LTBP3: variants seen among roughly 807,000 people sequenced by gnomAD.
LTBP3 encodes latent transforming growth factor beta binding protein 3.
Under a neutral mutation model 159.7 loss-of-function variants are expected in LTBP3, and 97 were observed. The ratio of observed to expected loss-of-function variants is 0.61; its 90% CI spans 0.52 to 0.72. The LOEUF is 0.72. LTBP3 is among the 30% of genes least tolerant of loss of function. LTBP3 has a pLI of 0.00. For synonymous variants in LTBP3, 824 were observed against 777.1 expected, an observed-to-expected ratio of 1.06 and a Z score of -1.00; for missense variants, 1,584 against 1,864.3, an observed-to-expected ratio of 0.85 and a Z score of 2.77.
At position 65,541,732 on chromosome 11, in the gene LTBP3, C is replaced by A. The variant is rs775770072; in HGVS notation, c.2597-4G>T. 1 of 1,613,882 alleles carries A rather than the reference C, an allele frequency of 6.2e-7. No individual in the cohort carries two copies. The highest frequency in any genetic ancestry group is 8.5e-7 in the Non-Finnish European group (1 of 1,179,900). On this transcript the variant is annotated splice_region_variant and splice_polypyrimidine_tract_variant and intron_variant, in intron 18 of 27. Coordinates refer to ENST00000301873, the MANE Select transcript of LTBP3 (RefSeq NM_001130144.3). The stretch of plus-strand genomic sequence containing the variant: ...TCCTGGCTGCACTCATCTATGTCTG[C>A]GGGGCAAGAGTAGCGCAGCTGGAAA...
rs1294262337 is a variant in LTBP3, at chr11:65,540,362, C to T, written c.3127G>A (p.Glu1043Lys). 6.3e-7 allele frequency: 1 copy of T among 1,593,908 alleles called. No individual in the cohort carries two copies. Among genetic ancestry groups the T allele is most frequent in the Non-Finnish European group, 8.5e-7 (1 of 1,171,558 alleles). The change falls in exon 23 of 28, where the codon GAG (glutamate) becomes AAG (lysine). Residue 1043 changes from glutamate to lysine, a missense_variant. Glu to Lys is a moderately conservative substitution (Grantham distance 56). This residue lies in a region of LTBP3 where 514 missense variants were observed against 530.3 expected (regional missense o/e 0.97). Coordinates refer to ENST00000301873, the MANE Select transcript of LTBP3 (RefSeq NM_001130144.3). ...CACACTCCGTTCCGGCAGTTGGACT[C>T]GTCCAGGCACTCGTCCACGTCTGCA... The part of the protein sequence containing the change: ...ECVDVDECLD[E>K]SNCRNGVCEN...
At chr11:65,544,907 G>A (rs953147694) in intron 16 of LTBP3, 3 of 152,356 alleles carry the variant, frequency 2.0e-5, no homozygotes, top group East Asian at 1.9e-4. Flanking sequence ...CACTTTGGAA[G>A]AGCAAGAGTC....
rs1450825798 is a variant in LTBP3 at position 65,546,480 on chromosome 11, T to C, written c.2315A>G (p.Gln772Arg). ...GCCGTCGGGCGCGGGCGCGTAGCCC[T>C]GGGCACAGGTGCAGCGGAAGGAGCC... ...LPGSFRCTCA[Q>R]GYAPAPDGRS... Residue 772 changes from glutamine (Q) to arginine (R), a missense_variant, in exon 16 of 28, where the codon CAG (glutamine) becomes CGG (arginine). By Grantham distance (43) the Gln-to-Arg change is conservative (BLOSUM62 1). This residue lies in a region of LTBP3 where 565 missense variants were observed against 677.7 expected (regional missense o/e 0.83). Transcript: ENST00000301873. This position sits in a 1 kb window ranked among gnomAD's most constrained non-coding sequence, Gnocchi z 4.0. The C allele has an allele frequency of 1.3e-6, 2 of 1,593,118 alleles. No homozygotes were observed. Among genetic ancestry groups the C allele is most frequent in the East Asian group, 2.2e-5 (1 of 44,576 alleles).
In LTBP3 at chr11:65,551,153, C is replaced by A; in HGVS notation, c.1693G>T (p.Val565Leu). 6.4e-7 allele frequency: 1 copy of A among 1,553,762 alleles called. No homozygotes were observed. Among genetic ancestry groups the A allele is most frequent in the Non-Finnish European group, 8.7e-7 (1 of 1,148,872 alleles). The change falls in exon 11 of 28, where the codon GTA becomes TTA. Residue 565 changes from valine (V) to leucine (L), a missense_variant. Around this residue, in one of 6 missense-constraint regions of LTBP3, gnomAD observed 565 missense variants for 677.7 expected, o/e 0.83. Transcript: ENST00000301873. ...LPDLPPSRSA[V>L]EIAPTQVTET... ...GTGACCTGAGTGGGAGCGATCTCTA[C>A]GGCGCTGCGGGAAGGAGGCAAGTCC... is the stretch of plus-strand genomic sequence containing the variant.
In LTBP3 at chr11:65,552,027, C is replaced by A. The variant is rs762703176; in HGVS notation, c.1476G>T (p.Gln492His). ...GAGCCTGGCTAGGGCTCTCCGGAAG[C>A]TGCTGGGGCTTGGGTGGCCCGTCAG... ...LHPDGPPKPQ[Q>H]LPESPSQAPP... The change falls in exon 8 of 28, where the codon CAG becomes CAT. Residue 492 changes from glutamine (Q) to histidine (H), a missense_variant. This residue lies in a region of LTBP3 where 565 missense variants were observed against 677.7 expected (regional missense o/e 0.83). Coordinates refer to ENST00000301873, the MANE Select transcript of LTBP3 (RefSeq NM_001130144.3). The surrounding 1 kb of genome is among the most constrained non-coding windows in gnomAD (Gnocchi z 6.0). The A allele has an allele frequency of 3.7e-6, 6 of 1,614,046 alleles. No individual in the cohort carries two copies. In the Admixed American group the frequency reaches 1.0e-4, roughly 27 times the overall value.
intron 21 of LTBP3, 32 bp downstream of exon 21, chr11:65,540,839 G>GCGCGGGGCGGGCGGAGC (rs754661616): frequency 8.8e-6 from 14 of 1,592,924 alleles, no homozygotes; most frequent in South Asian, 1.1e-5. Flanking sequence ...GGGTGAGAGG[G>GCGCGGGGCGGGCGGAGC]CGCGGGGCGG....
intron 1 of LTBP3, among the ~76,000 whole-genome samples, chr11:65,556,979 A>AG (rs1198537211): frequency 2.0e-5 from 3 of 147,952 alleles, no homozygotes; most frequent in Non-Finnish European, 4.5e-5. Flanking sequence ...GGGGAGGATG[A>AG]GGGGGGCCCT....
Position 65,554,423 on chromosome 11 carries a change from T to A in LTBP3, c.332-43A>T. ...GTCAGGCCCTCACCCACATCCTGTC[T>A]CTTTCCCCTCCTCCCTACTTCCTTG... is the stretch of plus-strand genomic sequence containing the variant. On this transcript the variant is annotated intron_variant, in intron 1 of 27. Coordinates refer to ENST00000301873, the MANE Select transcript of LTBP3 (RefSeq NM_001130144.3). The surrounding 1 kb of genome is among the most constrained non-coding windows in gnomAD (Gnocchi z 5.3). 1 of 1,502,050 alleles carries A rather than the reference T, an allele frequency of 6.7e-7. No homozygotes were observed. Among genetic ancestry groups the A allele is most frequent in the South Asian group, 1.2e-5 (1 of 84,822 alleles). The allele number at this position is 1,502,050 out of a possible 1,614,324, so 93.0% of individuals were successfully genotyped here. A position where few individuals can be genotyped will look rare whatever the true frequency, so the allele number is the denominator to read the frequency against.
At chr11:65,548,440 C>T in intron 11 of LTBP3, 1 of 434,600 alleles carries the variant, frequency 2.3e-6, no homozygotes, top group Admixed American at 3.8e-5. Flanking sequence ...TAGCCTCGGT[C>T]ACACCAGTGT....
Position 65,539,052 on chromosome 11 carries a change from G to A in LTBP3, c.*28C>T. ...CGGAAATCCCTCAGTGATCACCGAGGTCTGGGCCGAGGGCGGCGTCGGCGG... is the reference window on the plus strand; with the variant it reads ...CGGAAATCCCTCAGTGATCACCGAGATCTGGGCCGAGGGCGGCGTCGGCGG... On this transcript the variant is annotated 3_prime_UTR_variant, in exon 28 of 28. Transcript: ENST00000301873. The A allele has an allele frequency of 3.7e-6, 5 of 1,354,086 alleles. No individual in the cohort carries two copies. The highest frequency in any genetic ancestry group is 3.7e-5 in the Admixed American group (1 of 27,042). The allele number at this position is 1,354,086 out of a possible 1,614,324, so 83.9% of individuals were successfully genotyped here.
At chr11:65,545,572 TA>T (rs1208081933) in intron 16 of LTBP3, 2 of 230,656 alleles carry the variant, frequency 8.7e-6, no homozygotes, top group African/African-American at 2.2e-5. Context: ...GACATCCAGT[TA>T]AAAAACCCAG....
intron 8 of LTBP3, 156 bp downstream of exon 8, chr11:65,551,815 TG>T: frequency 1.0e-6 from 1 of 996,568 alleles, no homozygotes; most frequent in Non-Finnish European, 1.6e-6. Context: ...GTCAAATATC[TG>T]GGTCAGGGGT....
rs1004261765 is a variant in LTBP3 at position 65,538,790 on chromosome 11, A to C, written c.*290T>G. On this transcript the variant is annotated 3_prime_UTR_variant, in exon 28 of 28. Coordinates refer to ENST00000301873, the MANE Select transcript of LTBP3 (RefSeq NM_001130144.3). Reference sequence around the variant, plus strand: ...GCAGCCCGCGCCCACGTCAGACGTGAACATCAATTTGCTTCGAAAGCCAAG... The same window carrying C: ...GCAGCCCGCGCCCACGTCAGACGTGCACATCAATTTGCTTCGAAAGCCAAG... 8 of 807,770 alleles carry C rather than the reference A, an allele frequency of 9.9e-6. No homozygotes were observed. The highest frequency in any genetic ancestry group is 6.7e-5 in the Admixed American group (2 of 29,960). 50.0% of individuals were successfully genotyped at this position (807,770 alleles called of 1,614,324 possible).
chr11:65,540,844 G>C, intron 21 of LTBP3, 27 bp downstream of exon 21: 4 of 1,597,098 alleles, frequency 2.5e-6, no homozygotes, highest in Non-Finnish European at 3.4e-6. Context: ...AGAGGGCGCG[G>C]GGCGGGCGGA....
chr11:65,549,757 G>GAAAAAAAAA (rs752434010), intron 11 of LTBP3, among the ~76,000 whole-genome samples: 1 of 104,508 alleles, frequency 9.6e-6, no homozygotes, highest in Non-Finnish European at 1.8e-5. Flanking sequence ...CCCAGGCCGG[G>GAAAAAAAAA]AAAAAAAAAA....
At position 65,540,553 on chromosome 11, in the gene LTBP3, C is replaced by A. The variant is rs762280637; in HGVS notation, c.3039G>T (p.Thr1013=). The change falls in exon 22 of 28, where the codon ACG becomes ACT. Residue 1013 remains threonine, a synonymous_variant. Transcript: ENST00000301873. ...EICKEGKCVN[T]QPGYECYCKQ... ...TGCAGTAGCACTCGTAGCCAGGCTG[C>A]GTGTTCACGCACTTGCCCTCCTTGC... 1.2e-6 allele frequency: 2 copies of A among 1,613,904 alleles called. No homozygotes were observed. The highest frequency in any genetic ancestry group is 2.2e-5 in the East Asian group (1 of 44,872).
chr11:65,538,973 C>G lies in LTBP3; in HGVS notation c.*107G>C. 7.6e-7 allele frequency: 1 copy of G among 1,315,980 alleles called. No homozygotes were observed. The highest frequency in any genetic ancestry group is 9.7e-7 in the Non-Finnish European group (1 of 1,033,824). The allele number at this position is 1,315,980 out of a possible 1,614,324, so 81.5% of individuals were successfully genotyped here. On this transcript the variant is annotated 3_prime_UTR_variant, in exon 28 of 28. Transcript: ENST00000301873. ...AAGGCGCCGGGAGGGTCTGCGGGCCCTGAAGGTCCCTGGGTCCGAGCCACA... is the reference window on the plus strand; with the variant it reads ...AAGGCGCCGGGAGGGTCTGCGGGCCGTGAAGGTCCCTGGGTCCGAGCCACA...
chr11:65,557,573 C>T (rs1590791480), intron 1 of LTBP3, 56 bp downstream of exon 1: 1 of 1,600,084 alleles, frequency 6.2e-7, no homozygotes. Context: ...ACTAGCTCTC[C>T]CACCGGGCCT....
intron 16 of LTBP3, chr11:65,545,780 G>T (rs939198926): frequency 4.6e-5 from 9 of 194,284 alleles, no homozygotes; most frequent in Non-Finnish European, 9.6e-5. Context: ...AACACCTTCT[G>T]GGTGAAGCAC....
Sources: allele counts gnomAD v4.1 joint callset (sites outside exome capture counted in the v4.1 genomes callset), GRCh38; gene constraint gnomAD v4.1.1; regional missense constraint gnomAD v4.1.1; non-coding constraint Gnocchi (gnomAD v3.1); transcripts MANE v1.5; gene names NCBI Gene and HGNC (gene_info 2026-07-23, HGNC 2026-07-21).